Variants in AGFG1 observed in about 807,000 individuals in gnomAD.
The protein encoded by AGFG1 is arf-GAP domain and FG repeat-containing protein 1.
AGFG1 carries 10 observed loss-of-function variants against 60.6 expected under a neutral mutation model. The observed-to-expected ratio is 0.16, with a 90% confidence interval of 0.10 to 0.28. The LOEUF is 0.28. AGFG1 is among the 10% of genes least tolerant of loss of function. The pLI is 1.00. For synonymous variants in AGFG1, 247 were observed against 242.9 expected (o/e 1.02, Z -0.16); for missense variants, 537 against 676.5 (o/e 0.79, Z 2.29).
intron 10 of AGFG1, among the ~76,000 whole-genome samples, chr2:227,542,901 A>G (rs1173249980): frequency 6.6e-6 from 1 of 152,202 alleles, no homozygotes; most frequent in Non-Finnish European, 1.5e-5. Flanking sequence ...GTATGTGTCC[A>G]GGAATTTATC....
intron 10 of AGFG1, among the ~76,000 whole-genome samples, chr2:227,546,193 C>T (rs369233325): frequency 1.2e-4 from 18 of 152,310 alleles, no homozygotes; most frequent in East Asian, 5.8e-4. Context: ...TCAGTAATGG[C>T]GGGCGCCCCT....
At chr2:227,535,514 T>C (rs879638541) in intron 8 of AGFG1, among the ~76,000 whole-genome samples, 1 of 152,218 alleles carries the variant, frequency 6.6e-6, no homozygotes, top group Non-Finnish European at 1.5e-5. Flanking sequence ...TCTGCTGTTA[T>C]GTTCATATAT....
chr2:227,526,607 A>G (rs993553674), intron 5 of AGFG1, among the ~76,000 whole-genome samples: 2 of 145,874 alleles, frequency 1.4e-5, no homozygotes, highest in African/African-American at 5.1e-5. Context: ...CAGTGGCACA[A>G]TCTTGGCTTA....
chr2:227,511,759 G>A (rs1309643662), intron 2 of AGFG1, among the ~76,000 whole-genome samples: 1 of 152,200 alleles, frequency 6.6e-6, no homozygotes. Flanking sequence ...TACAAATAGT[G>A]TTGAATCAGA....
At chr2:227,540,284 GC>G in intron 10 of AGFG1, among the ~76,000 whole-genome samples, 1 of 150,732 alleles carries the variant, frequency 6.6e-6, no homozygotes, top group African/African-American at 2.4e-5. Flanking sequence ...ATGTTGGTGT[GC>G]TGCACCCATT....
Position 227,558,931 on chromosome 2 carries a change from A to G in AGFG1, c.*4436A>G, listed in dbSNP as rs1433017532. 1 of 152,244 alleles carries G rather than the reference A, an allele frequency of 6.6e-6. No individual in the cohort carries two copies. Among genetic ancestry groups the G allele is most frequent in the Non-Finnish European group, 1.5e-5 (1 of 68,044 alleles). The allele number at this position is 152,244 out of a possible 1,614,324, so 9.4% of individuals were successfully genotyped here. ...CATACAATTCCACAACTCATTAATT[A>G]AATGTATTGGTCATTTGATGATTAT... is the stretch of plus-strand genomic sequence containing the variant. On this transcript the variant is annotated 3_prime_UTR_variant, in exon 13 of 13. Transcript: ENST00000310078.
rs1448815564 is a variant in AGFG1, at chr2:227,558,146, A to G, written c.*3651A>G. 1 of 152,188 alleles carries G rather than the reference A, an allele frequency of 6.6e-6. No individual in the cohort carries two copies. The highest frequency in any genetic ancestry group is 1.5e-5 in the Non-Finnish European group (1 of 68,036). 9.4% of individuals were successfully genotyped at this position (152,188 alleles called of 1,614,324 possible). A position where few individuals can be genotyped will look rare whatever the true frequency, so the allele number is the denominator to read the frequency against. ...AAACAATTTTCATATTTCATCTCTT[A>G]CAATCCCTGCAGTGGACCTATACTT... On this transcript the variant is annotated 3_prime_UTR_variant, in exon 13 of 13. Coordinates refer to ENST00000310078, the MANE Select transcript of AGFG1 (RefSeq NM_004504.5).
In AGFG1 at chr2:227,489,223, G is replaced by GTTTTT. The variant is rs55762248; in HGVS notation, c.168-2303_168-2299dup. ...TGTTTCTTCAGAGTTAGTTTTGAGAGTTTTTTTTTTTTTTTTTTTTTTTTT... is the reference window on the plus strand; with the variant it reads ...TGTTTCTTCAGAGTTAGTTTTGAGAGTTTTTTTTTTTTTTTTTTTTTTTTTTTTTT... On this transcript the variant is annotated intron_variant, in intron 1 of 12. Transcript: ENST00000310078. 5.5e-4 allele frequency among the ~76,000 whole-genome samples: 41 copies of GTTTTT among 74,810 alleles called. 1 individual carries two copies. The highest frequency in any genetic ancestry group is 1.3e-3 in the African/African-American group (23 of 17,408). 49.1% of individuals were successfully genotyped at this position (74,810 alleles called of 152,430 possible).
In AGFG1 at chr2:227,497,730, GTTTTGTTT is replaced by G. The variant is rs1399249781; in HGVS notation, c.261+6095_261+6102del. Reference sequence around the variant, plus strand: ...ATATAGCCAAATGAGTTTCTTTCTTGTTTTGTTTTTTTTTTTTTTTTTTTTTTTTTTGG... The same window carrying G: ...ATATAGCCAAATGAGTTTCTTTCTTGTTTTTTTTTTTTTTTTTTTTTTTGG... On this transcript the variant is annotated intron_variant, in intron 2 of 12. Coordinates refer to ENST00000310078, the MANE Select transcript of AGFG1 (RefSeq NM_004504.5). Among the ~76,000 whole-genome samples, 27 of 38,924 alleles carry G rather than the reference GTTTTGTTT, an allele frequency of 6.9e-4. 4 individuals are homozygous for G. Among genetic ancestry groups the G allele is most frequent in the East Asian group, 2.7e-3 (3 of 1,116 alleles). The allele number at this position is 38,924 out of a possible 152,430, so 25.5% of individuals were successfully genotyped here. A position where few individuals can be genotyped will look rare whatever the true frequency, so the allele number is the denominator to read the frequency against.
intron 10 of AGFG1, among the ~76,000 whole-genome samples, chr2:227,542,836 T>C (rs1692531578): frequency 6.6e-6 from 1 of 152,162 alleles, no homozygotes; most frequent in Non-Finnish European, 1.5e-5. Flanking sequence ...TCAGAGCCTG[T>C]TATTGGTCTA....
In AGFG1 at chr2:227,478,878, C is replaced by T. The variant is rs148395127; in HGVS notation, c.167+6290C>T. ...TTCCATGGTCAAATAACAGCTTATCCTAGTGACTTGTTTTAGTCTCTAAAA... is the reference window on the plus strand; with the variant it reads ...TTCCATGGTCAAATAACAGCTTATCTTAGTGACTTGTTTTAGTCTCTAAAA... On this transcript the variant is annotated intron_variant, in intron 1 of 12. Transcript: ENST00000310078. Among the ~76,000 whole-genome samples the T allele has an allele frequency of 1.4e-3, 220 of 152,254 alleles. 2 individuals are homozygous for T. The highest frequency in any genetic ancestry group is 4.5e-3 in the African/African-American group (185 of 41,540).
chr2:227,546,105 G>T (rs1692637873), intron 10 of AGFG1, among the ~76,000 whole-genome samples: 2 of 152,220 alleles, frequency 1.3e-5, no homozygotes, highest in African/African-American at 4.8e-5. Context: ...AGTCTATAGA[G>T]GCAGGCAGGC....
intron 2 of AGFG1, among the ~76,000 whole-genome samples, chr2:227,506,128 G>A (rs764375644): frequency 3.9e-5 from 6 of 152,074 alleles, no homozygotes; most frequent in South Asian, 2.1e-4. Flanking sequence ...AGAATCTGTC[G>A]CTGTTTGATT....
At chr2:227,533,402 G>A (rs1692218330) in intron 6 of AGFG1, 147 bp from the exon 7 acceptor site, 1 of 728,244 alleles carries the variant, frequency 1.4e-6, no homozygotes, top group Non-Finnish European at 2.2e-6. Context: ...AACGTCACTT[G>A]TAGTCAAAAG....
chr2:227,482,556 G>T (rs1171965707), intron 1 of AGFG1, among the ~76,000 whole-genome samples: 1 of 152,126 alleles, frequency 6.6e-6, no homozygotes, highest in Non-Finnish European at 1.5e-5. Flanking sequence ...AGATCTAAAT[G>T]TCAACTTTAT....
At chr2:227,539,446 A>AAAAAAAC (rs1416670300) in intron 10 of AGFG1, among the ~76,000 whole-genome samples, 1 of 140,526 alleles carries the variant, frequency 7.1e-6, no homozygotes, top group Non-Finnish European at 1.6e-5. Context: ...CTGTCTCAAA[A>AAAAAAAC]AAAACAAAAA....
intron 1 of AGFG1, among the ~76,000 whole-genome samples, chr2:227,477,810 A>T (rs751811844): frequency 6.6e-6 from 1 of 151,914 alleles, no homozygotes; most frequent in Non-Finnish European, 1.5e-5. Flanking sequence ...GGGTTTCACC[A>T]TGTTGGCCAG....
chr2:227,510,386 AAAC>A (rs547507985), intron 2 of AGFG1, among the ~76,000 whole-genome samples: 16 of 152,320 alleles, frequency 1.1e-4, no homozygotes, highest in African/African-American at 3.6e-4. Context: ...GCTGTATTCA[AAAC>A]AACGAGTCAT....
intron 6 of AGFG1, chr2:227,532,008 A>T (rs2106218912): frequency 3.1e-6 from 2 of 637,092 alleles, no homozygotes; most frequent in Middle Eastern, 4.5e-4. Flanking sequence ...TGGAACCCTT[A>T]TTTAGATTTT....
Sources: gnomAD v4.1 joint callset for allele counts (sites outside exome capture counted in the v4.1 genomes callset) on GRCh38, gnomAD v4.1.1 for gene constraint, MANE v1.5 for transcripts, NCBI Gene and HGNC (gene_info 2026-07-23, HGNC 2026-07-21) for gene names.